Variants in ANK1 observed in about 807,000 individuals in gnomAD.
ANK1 encodes the protein ankyrin-1.
In ANK1, 51 loss-of-function variants were observed where a neutral mutation model predicts 210.4. That is an observed-to-expected ratio of 0.24 (90% CI 0.19 to 0.31). The LOEUF (loss-of-function observed/expected upper bound fraction) is 0.31. ANK1 is among the 10% of genes least tolerant of loss of function. ANK1 has a pLI of 1.00. For missense variants in ANK1, 2,051 were observed against 2,504.4 expected, an observed-to-expected ratio of 0.82 and a Z score of 3.86; for synonymous variants, 967 against 1,025.9, an observed-to-expected ratio of 0.94 and a Z score of 1.10.
intron 34 of ANK1, 102 bp from the exon 35 acceptor site, chr8:41,688,332 G>A: frequency 6.9e-7 from 1 of 1,455,832 alleles, no homozygotes. Context: ...GTGCACTGGG[G>A]TGATTGTCTA....
chr8:41,779,684 C>A lies in ANK1; in HGVS notation c.27+17828G>T, dbSNP rs80190890. Among the ~76,000 whole-genome samples the A allele has an allele frequency of 8.0e-3, 1,219 of 152,314 alleles. 10 individuals are homozygous for A. The highest frequency in any genetic ancestry group is 0.027 in the African/African-American group (1,110 of 41,556). Reference sequence around the variant, plus strand: ...GCTCTAAGCATTTTACAAGTGTTCACCCACTTAACCCTCACAGCAACTTTA... The same window carrying A: ...GCTCTAAGCATTTTACAAGTGTTCAACCACTTAACCCTCACAGCAACTTTA... On this transcript the variant is annotated intron_variant, in intron 1 of 42. Transcript: ENST00000289734.
At chr8:41,805,323 G>C (rs1045367906) in intron 1 of ANK1, among the ~76,000 whole-genome samples, 2 of 151,730 alleles carry the variant, frequency 1.3e-5, no homozygotes, top group Non-Finnish European at 2.9e-5. Flanking sequence ...GCTTGCTACA[G>C]TCTAGAACTT....
chr8:41,671,685 G>T (rs1325557129), intron 38 of ANK1, among the ~76,000 whole-genome samples: 10 of 131,840 alleles, frequency 7.6e-5, no homozygotes, highest in Non-Finnish European at 1.6e-4. Flanking sequence ...GAGCCCTCCC[G>T]GCGCCCCGAT....
At position 41,661,942 on chromosome 8, in the gene ANK1, C is replaced by G; in HGVS notation, c.5479-1G>C. On this transcript the variant is annotated splice_acceptor_variant, in intron 40 of 42. Coordinates refer to ENST00000289734, the MANE Select transcript of ANK1 (RefSeq NM_000037.4). LOFTEE classifies it high-confidence loss of function. ...TCTGTCGAACCACCTTGCGAATGAT[C>G]TAGGAAAGGAAGGGAAGGAGGAAAG... The G allele has an allele frequency of 6.2e-7, 1 of 1,613,750 alleles. No homozygotes were observed. Among genetic ancestry groups the G allele is most frequent in the East Asian group, 2.2e-5 (1 of 44,862 alleles).
intron 39 of ANK1, chr8:41,664,702 G>T: frequency 8.4e-7 from 1 of 1,188,584 alleles, no homozygotes; most frequent in Non-Finnish European, 1.2e-6. Flanking sequence ...TTCCTCCGGC[G>T]TCTCCCAACT....
At chr8:41,858,959 G>A (rs1238252005) in intron 1 of ANK1, among the ~76,000 whole-genome samples, 1 of 152,236 alleles carries the variant, frequency 6.6e-6, no homozygotes, top group Non-Finnish European at 1.5e-5. Flanking sequence ...TGCAAGGAGG[G>A]AGGCCAGACC....
chr8:41,739,926 C>G (rs1422603867), intron 2 of ANK1, among the ~76,000 whole-genome samples: 1 of 152,096 alleles, frequency 6.6e-6, no homozygotes, highest in African/African-American at 2.4e-5. Flanking sequence ...TTCCTTATTA[C>G]AACATGTTAG....
chr8:41,683,441 C>A (rs1816739795), intron 37 of ANK1, among the ~76,000 whole-genome samples: 1 of 152,140 alleles, frequency 6.6e-6, no homozygotes, highest in Non-Finnish European at 1.5e-5. Context: ...CGTGCCCAGG[C>A]CCACCTGGGA....
intron 2 of ANK1, among the ~76,000 whole-genome samples, chr8:41,749,761 C>T (rs10808955): frequency 0.3 from 46,212 of 151,796 alleles, 7,645 homozygotes; most frequent in Middle Eastern, 0.41. Context: ...TACAGGCATG[C>T]GCCACAACGC....
At chr8:41,808,350 A>G (rs940898102) in intron 1 of ANK1, among the ~76,000 whole-genome samples, 2 of 152,162 alleles carry the variant, frequency 1.3e-5, no homozygotes, top group Admixed American at 6.5e-5. Flanking sequence ...TACTTAGGCC[A>G]TGGAACCTGG....
At position 41,672,481 on chromosome 8, in the gene ANK1, C is replaced by T; in HGVS notation, c.4969G>A (p.Asp1657Asn). 2 of 1,614,250 alleles carry T rather than the reference C, an allele frequency of 1.2e-6. No homozygotes were observed. The highest frequency in any genetic ancestry group is 1.7e-6 in the Non-Finnish European group (2 of 1,180,044). Residue 1657 changes from aspartate (D) to asparagine (N), a missense_variant, in exon 38 of 43, where the codon GAT (aspartate) becomes AAT (asparagine). Around this residue, in one of 6 missense-constraint regions of ANK1, gnomAD observed 496 missense variants for 533.4 expected, o/e 0.93. Coordinates refer to ENST00000289734, the MANE Select transcript of ANK1 (RefSeq NM_000037.4). The part of the protein sequence containing the change: ...EEKLPGSKRQ[D>N]DATGAGQDSE... ...TCCTGCCCTGCACCTGTCGCGTCAT[C>T]CTGCCTCTTAGAACCTGGCAGCTTC... is the stretch of plus-strand genomic sequence containing the variant.
At chr8:41,683,820 G>C (rs1297276690) in intron 37 of ANK1, among the ~76,000 whole-genome samples, 1 of 152,190 alleles carries the variant, frequency 6.6e-6, no homozygotes, top group African/African-American at 2.4e-5. Flanking sequence ...AAGGTGTTGC[G>C]AGGGGGCCTG....
intron 13 of ANK1, 121 bp from the exon 14 acceptor site, chr8:41,715,970 G>C: frequency 8.9e-7 from 1 of 1,119,442 alleles, no homozygotes; most frequent in South Asian, 1.3e-5. Context: ...AGGTCACACA[G>C]CTAAGAAGAT....
Position 41,723,630 on chromosome 8 carries a change from C to A in ANK1, c.715G>T (p.Gly239Cys), listed in dbSNP as rs150284251. The A allele has an allele frequency of 6.2e-7, 1 of 1,612,844 alleles. No homozygotes were observed. Among genetic ancestry groups the A allele is most frequent in the Non-Finnish European group, 8.5e-7 (1 of 1,179,916 alleles). Residue 239 changes from glycine to cysteine, a missense_variant, in exon 8 of 43, where the codon GGC becomes TGC. Coordinates refer to ENST00000289734, the MANE Select transcript of ANK1 (RefSeq NM_000037.4). Reference sequence around the variant, plus strand: ...GAGGCGATGTGCAGTGGCGTGATGCCGTTCTGAAGGGAGGAAGCAGGACGG... The same window carrying A: ...GAGGCGATGTGCAGTGGCGTGATGCAGTTCTGAAGGGAGGAAGCAGGACGG... Reference protein sequence around the residue: ...GASVNFTPQNGITPLHIASRR... With the variant: ...GASVNFTPQNCITPLHIASRR...
intron 1 of ANK1, among the ~76,000 whole-genome samples, chr8:41,821,641 T>G (rs540081417): frequency 1.1e-4 from 17 of 152,336 alleles, no homozygotes; most frequent in Non-Finnish European, 2.1e-4. Flanking sequence ...GGTGAACCCA[T>G]GCTAGCTGCC....
intron 3 of ANK1, among the ~76,000 whole-genome samples, chr8:41,731,553 T>A (rs189971378): frequency 6.6e-6 from 1 of 152,138 alleles, no homozygotes; most frequent in Non-Finnish European, 1.5e-5. Flanking sequence ...GAATCTAAAT[T>A]GGTTTTGGCT....
intron 1 of ANK1, among the ~76,000 whole-genome samples, chr8:41,794,896 G>A (rs1848466288): frequency 6.6e-6 from 1 of 152,094 alleles, no homozygotes; most frequent in Admixed American, 6.6e-5. Context: ...AACAGAGGCG[G>A]GGTTTCACCA....
chr8:41,871,200 G>A (rs750370015), intron 1 of ANK1, among the ~76,000 whole-genome samples: 1 of 152,238 alleles, frequency 6.6e-6, no homozygotes, highest in Non-Finnish European at 1.5e-5. Context: ...ACGCATTTAT[G>A]AGGCTGCATC....
chr8:41,717,847 G>T, intron 11 of ANK1, 145 bp from the exon 12 acceptor site: 2 of 946,252 alleles, frequency 2.1e-6, no homozygotes, highest in Non-Finnish European at 3.3e-6. Context: ...CAAGAAAATG[G>T]TTGGAGAAAA....
Sources: allele counts gnomAD v4.1 joint callset (sites outside exome capture counted in the v4.1 genomes callset), GRCh38; gene constraint gnomAD v4.1.1; regional missense constraint gnomAD v4.1.1; transcripts MANE v1.5; gene names NCBI Gene and HGNC (gene_info 2026-07-23, HGNC 2026-07-21).